The following UNC13B variants were observed in gnomAD, a reference collection of about 807,000 sequenced individuals.
UNC13B encodes the protein unc-13 homolog B.
Under a neutral mutation model 211.0 loss-of-function variants are expected in UNC13B, and 144 were observed. The observed-to-expected ratio is 0.68, with a 90% CI of 0.60 to 0.78. The LOEUF is 0.78. UNC13B is among the 30% of genes least tolerant of loss of function. UNC13B has a pLI of 0.00. For synonymous variants in UNC13B, 709 were observed against 725.8 expected, an observed-to-expected ratio of 0.98 and a Z score of 0.37; for missense variants, 1,777 against 2,002.0, an observed-to-expected ratio of 0.89 and a Z score of 2.14.
chr9:35,378,371 A>G lies in UNC13B; in HGVS notation c.10140A>G (p.Lys3380=). 6.2e-7 allele frequency: 1 copy of G among 1,614,134 alleles called. No homozygotes were observed. The highest frequency in any genetic ancestry group is 8.5e-7 in the Non-Finnish European group (1 of 1,180,022). ...CTTACGTGACTGTGCAAGTCAGCAA[A>G]ACTAAGAAGCGTACCAAGACCATTT... The part of the protein sequence containing the change: ...SDPYVTVQVS[K]TKKRTKTIFG... The change falls in exon 17 of 40, where the codon AAA becomes AAG. Residue 3380 remains lysine, a synonymous_variant. Coordinates refer to ENST00000635942, the MANE Select transcript of UNC13B (RefSeq NM_001371189.2).
chr9:35,273,954 A>C (rs1828032883), intron 7 of UNC13B, among the ~76,000 whole-genome samples: 1 of 152,130 alleles, frequency 6.6e-6, no homozygotes, highest in African/African-American at 2.4e-5. Flanking sequence ...AGCTGACCCA[A>C]GTGGCAATTA....
chr9:35,210,304 A>G (rs2131413827), intron 1 of UNC13B, among the ~76,000 whole-genome samples: 1 of 152,248 alleles, frequency 6.6e-6, no homozygotes, highest in South Asian at 2.1e-4. Flanking sequence ...AATTTGTTAA[A>G]ATTAAATGAA....
intron 19 of UNC13B, 57 bp downstream of exon 19, chr9:35,381,272 G>A: frequency 6.8e-7 from 1 of 1,465,814 alleles, no homozygotes; most frequent in Non-Finnish European, 9.4e-7. Flanking sequence ...GAGGCCTTTG[G>A]CCATAAGTAG....
In UNC13B at chr9:35,390,709, T is replaced by C; in HGVS notation, c.11303T>C (p.Leu3768Ser). 1 of 1,613,990 alleles carries C rather than the reference T, an allele frequency of 6.2e-7. No homozygotes were observed. Among genetic ancestry groups the C allele is most frequent in the Non-Finnish European group, 8.5e-7 (1 of 1,179,952 alleles). The change falls in exon 26 of 40, where the codon TTG (leucine) becomes TCG (serine). Residue 3768 changes from leucine to serine, a missense_variant. Leu to Ser is a moderately radical substitution (Grantham distance 145). Coordinates refer to ENST00000635942, the MANE Select transcript of UNC13B (RefSeq NM_001371189.2). Reference sequence around the variant, plus strand: ...TTTGCCCAAGACATGAAATATGCATTGGAGGGTAAGGATCTGTTCAAATCA... The same window carrying C: ...TTTGCCCAAGACATGAAATATGCATCGGAGGGTAAGGATCTGTTCAAATCA... ...HLFAQDMKYA[L>S]EEHEKDHLCK...
intron 6 of UNC13B, among the ~76,000 whole-genome samples, chr9:35,257,474 G>A (rs1003842764): frequency 8.4e-5 from 12 of 143,372 alleles, no homozygotes; most frequent in Admixed American, 3.6e-4. Context: ...CCAGCTACTC[G>A]GGAGGCTGAA....
At chr9:35,251,129 A>AT (rs1587468348) in intron 6 of UNC13B, among the ~76,000 whole-genome samples, 1 of 151,650 alleles carries the variant, frequency 6.6e-6, no homozygotes, top group Non-Finnish European at 1.5e-5. Context: ...CACCCGGCTA[A>AT]TTTTTTTGTA....
intron 1 of UNC13B, chr9:35,227,724 C>T (rs1018318874): frequency 7.1e-5 from 23 of 324,418 alleles, no homozygotes; most frequent in Admixed American, 6.6e-4. Context: ...CAGAAGATAT[C>T]TCACATGAAA....
chr9:35,397,746 G>C, intron 30 of UNC13B, 34 bp downstream of exon 30: 9 of 1,608,802 alleles, frequency 5.6e-6, no homozygotes, highest in Non-Finnish European at 6.8e-6. Context: ...TACAGAAAGA[G>C]AGTGGAAGAC....
At chr9:35,361,574 C>T (rs552415374) in intron 11 of UNC13B, 14 of 152,160 alleles carry the variant, frequency 9.2e-5, no homozygotes, top group African/African-American at 3.4e-4. Context: ...TGTGCTAAGC[C>T]CTCAGGCTAC....
chr9:35,297,561 T>TTTTTTTTTTGTTTTTTG, intron 8 of UNC13B, among the ~76,000 whole-genome samples: 2 of 128,164 alleles, frequency 1.6e-5, no homozygotes, highest in Admixed American at 7.8e-5. Flanking sequence ...TTTTTTTTTT[T>TTTTTTTTTTGTTTTTTG]TTTTTTGAGA....
chr9:35,277,206 C>A (rs1026782430), intron 7 of UNC13B, among the ~76,000 whole-genome samples: 1 of 152,108 alleles, frequency 6.6e-6, no homozygotes, highest in Non-Finnish European at 1.5e-5. Context: ...GGAAAAAAAA[C>A]AATGATCATT....
intron 11 of UNC13B, among the ~76,000 whole-genome samples, chr9:35,322,355 T>G (rs995850092): frequency 6.6e-6 from 1 of 151,488 alleles, no homozygotes; most frequent in African/African-American, 2.4e-5. Flanking sequence ...AGCGGGTGGG[T>G]GGGTGTTCCA....
chr9:35,230,971 T>C, intron 2 of UNC13B, 149 bp from the exon 3 acceptor site: 1 of 469,560 alleles, frequency 2.1e-6, no homozygotes, highest in Middle Eastern at 5.5e-4. Flanking sequence ...CTGCTATGTC[T>C]TGAATGAGGC....
rs548436437 is a variant in UNC13B at position 35,313,510 on chromosome 9, A to G, written c.9324-389A>G. On this transcript the variant is annotated intron_variant, in intron 10 of 39. Coordinates refer to ENST00000635942, the MANE Select transcript of UNC13B (RefSeq NM_001371189.2). The stretch of plus-strand genomic sequence containing the variant: ...TGTGGTGGCACGCACCTGTAGTCCC[A>G]GCTATTTGGAAGGCTGAGGTGGGAG... 1.2e-4 allele frequency among the ~76,000 whole-genome samples: 18 copies of G among 152,100 alleles called. No individual in the cohort carries two copies. The East Asian group carries it at 1.4e-3, about 11-fold the overall frequency.
At position 35,370,255 on chromosome 9, in the gene UNC13B, C is replaced by G. The variant is rs190369910; in HGVS notation, c.9462-63C>G. The stretch of plus-strand genomic sequence containing the variant: ...GAGGGAGAGCAAGGTGAATGGAACA[C>G]TGAACCCACCAGCTAACTCAAAGCA... On this transcript the variant is annotated intron_variant, in intron 12 of 39. Transcript: ENST00000635942. 1.6e-5 allele frequency: 23 copies of G among 1,469,884 alleles called. No homozygotes were observed. The East Asian group carries it at 3.2e-4, about 20-fold the overall frequency. 91.1% of individuals were successfully genotyped at this position (1,469,884 alleles called of 1,614,324 possible). A position where few individuals can be genotyped will look rare whatever the true frequency, so the allele number is the denominator to read the frequency against.
intron 1 of UNC13B, among the ~76,000 whole-genome samples, chr9:35,165,192 C>T (rs1362536552): frequency 6.6e-6 from 1 of 152,066 alleles, no homozygotes; most frequent in Admixed American, 6.6e-5. Flanking sequence ...GTTATGTCAC[C>T]TTTTTTGTTG....
In UNC13B at chr9:35,389,913, T is replaced by C. The variant is rs769925398; in HGVS notation, c.11162T>C (p.Ile3721Thr). ...IRNLDFWPKL[I>T]TLIVSIIEED... ...AACCTGGATTTCTGGCCCAAGCTCATCACACTCATCGTGTCAATCATAGAG... is the reference window on the plus strand; with the variant it reads ...AACCTGGATTTCTGGCCCAAGCTCACCACACTCATCGTGTCAATCATAGAG... The change falls in exon 25 of 40, where the codon ATC becomes ACC. Residue 3721 changes from isoleucine (I) to threonine (T), a missense_variant. Coordinates refer to ENST00000635942, the MANE Select transcript of UNC13B (RefSeq NM_001371189.2). 6.2e-7 allele frequency: 1 copy of C among 1,614,136 alleles called. No individual in the cohort carries two copies. Among genetic ancestry groups the C allele is most frequent in the Non-Finnish European group, 8.5e-7 (1 of 1,179,998 alleles).
intron 1 of UNC13B, among the ~76,000 whole-genome samples, chr9:35,201,581 G>C (rs1823292949): frequency 6.6e-6 from 1 of 152,120 alleles, no homozygotes. Flanking sequence ...TATGTGTCGA[G>C]GAATTTATCC....
At chr9:35,344,658 GACA>G (rs1218693234) in intron 11 of UNC13B, among the ~76,000 whole-genome samples, 1 of 152,114 alleles carries the variant, frequency 6.6e-6, no homozygotes, top group Non-Finnish European at 1.5e-5. Flanking sequence ...ACAGATTAAT[GACA>G]ACAAGGGTCT....
Sources: gnomAD v4.1 joint callset for allele counts (sites outside exome capture counted in the v4.1 genomes callset) on GRCh38, gnomAD v4.1.1 for gene constraint, MANE v1.5 for transcripts, NCBI Gene and HGNC (gene_info 2026-07-23, HGNC 2026-07-21) for gene names.